The following DIPK1A variants were observed in gnomAD, a reference collection of about 807,000 sequenced individuals.
DIPK1A encodes family with sequence similarity 69 member A.
In DIPK1A, 27 loss-of-function variants were observed where a neutral mutation model predicts 40.8. The ratio of observed to expected loss-of-function variants is 0.66; its 90% CI spans 0.49 to 0.91. The LOEUF is 0.91. Ranked by LOEUF, DIPK1A falls within the 40% of genes least tolerant of loss-of-function variation. The probability of loss-of-function intolerance (pLI) is 0.00; values close to 1 mark genes in which losing one functional copy is unlikely to be tolerated. For synonymous variants in DIPK1A, 166 were observed against 171.3 expected (o/e 0.97, Z 0.24); for missense variants, 412 against 505.7 (o/e 0.81, Z 1.78).
intron 1 of DIPK1A, among the ~76,000 whole-genome samples, chr1:92,886,143 G>T (rs938521826): frequency 3.9e-5 from 6 of 152,030 alleles, no homozygotes; most frequent in Non-Finnish European, 7.4e-5. Flanking sequence ...GACCAGCCTG[G>T]ATAACACAGT....
At chr1:92,849,472 C>T (rs1014543306) in intron 3 of DIPK1A, among the ~76,000 whole-genome samples, 3 of 151,594 alleles carry the variant, frequency 2.0e-5, no homozygotes, top group East Asian at 1.9e-4. Context: ...CTCAGCCTCC[C>T]GAGTAGCTGG....
chr1:92,924,667 T>G (rs1650416702), intron 1 of DIPK1A, among the ~76,000 whole-genome samples: 1 of 152,216 alleles, frequency 6.6e-6, no homozygotes, highest in Admixed American at 6.5e-5. Context: ...CTTTCAAGAC[T>G]GCATTCTTCG....
intron 1 of DIPK1A, among the ~76,000 whole-genome samples, chr1:92,888,958 T>G (rs577381680): frequency 8.5e-5 from 13 of 152,340 alleles, no homozygotes; most frequent in African/African-American, 2.9e-4. Flanking sequence ...TCTCTCATTC[T>G]GCACGTTGTC....
intron 1 of DIPK1A, among the ~76,000 whole-genome samples, chr1:92,959,293 T>C (rs751199904): frequency 6.6e-6 from 1 of 151,612 alleles, no homozygotes; most frequent in Non-Finnish European, 1.5e-5. Context: ...TCTAAATAAA[T>C]AAATAAATGA....
chr1:92,865,743 C>T (rs992021039), intron 2 of DIPK1A, among the ~76,000 whole-genome samples: 1 of 152,158 alleles, frequency 6.6e-6, no homozygotes, highest in African/African-American at 2.4e-5. Context: ...GTTCTGGTTC[C>T]TACCTTATAG....
chr1:92,946,147 T>C (rs1340699385), intron 1 of DIPK1A, among the ~76,000 whole-genome samples: 5 of 152,190 alleles, frequency 3.3e-5, no homozygotes, highest in Non-Finnish European at 7.3e-5. Context: ...TGAGGTCTGT[T>C]AATTCTACGT....
At chr1:92,891,898 C>T (rs1293347715) in intron 1 of DIPK1A, among the ~76,000 whole-genome samples, 2 of 152,180 alleles carry the variant, frequency 1.3e-5, no homozygotes, top group Non-Finnish European at 2.9e-5. Flanking sequence ...GCCCATGGAG[C>T]CTCGCTCATT....
At chr1:92,918,689 G>C (rs747015965) in intron 1 of DIPK1A, among the ~76,000 whole-genome samples, 5 of 152,112 alleles carry the variant, frequency 3.3e-5, no homozygotes, top group African/African-American at 1.2e-4. Flanking sequence ...AGATTGCTTG[G>C]TAAGTGCTGT....
intron 1 of DIPK1A, among the ~76,000 whole-genome samples, chr1:92,922,272 C>A (rs1650298035): frequency 6.6e-6 from 1 of 150,488 alleles, no homozygotes; most frequent in Non-Finnish European, 1.5e-5. Context: ...ACTTAGTAGT[C>A]ATTTAATTTT....
At chr1:92,921,044 G>C (rs1650250091) in intron 1 of DIPK1A, among the ~76,000 whole-genome samples, 1 of 152,300 alleles carries the variant, frequency 6.6e-6, no homozygotes, top group Non-Finnish European at 1.5e-5. Flanking sequence ...GCAAACTTGA[G>C]CTATCCCTGG....
intron 1 of DIPK1A, among the ~76,000 whole-genome samples, chr1:92,908,532 G>A (rs531715776): frequency 6.6e-6 from 1 of 152,288 alleles, no homozygotes; most frequent in South Asian, 2.1e-4. Context: ...CTTGATAAGA[G>A]CAACTTCATG....
At chr1:92,884,241 G>GT (rs1163045638) in intron 1 of DIPK1A, among the ~76,000 whole-genome samples, 5 of 152,220 alleles carry the variant, frequency 3.3e-5, no homozygotes, top group African/African-American at 1.2e-4. Flanking sequence ...GAGCTCAGGA[G>GT]TTTGAGACCA....
At chr1:92,875,420 G>C (rs1031370261) in intron 2 of DIPK1A, among the ~76,000 whole-genome samples, 3 of 151,996 alleles carry the variant, frequency 2.0e-5, no homozygotes, top group African/African-American at 7.3e-5. Flanking sequence ...CTTTATATTA[G>C]AAAGTACTGG....
At chr1:92,929,939 G>A (rs1005874787) in intron 1 of DIPK1A, among the ~76,000 whole-genome samples, 7 of 152,172 alleles carry the variant, frequency 4.6e-5, no homozygotes, top group Non-Finnish European at 8.8e-5. Context: ...GGAAGAAAGA[G>A]TTAAGCCAAC....
At chr1:92,921,219 C>G (rs1650257073) in intron 1 of DIPK1A, among the ~76,000 whole-genome samples, 1 of 152,076 alleles carries the variant, frequency 6.6e-6, no homozygotes, top group South Asian at 2.1e-4. Context: ...AAGCGTGAGA[C>G]ACAATTTCAG....
chr1:92,929,429 G>A (rs893084665), intron 1 of DIPK1A, among the ~76,000 whole-genome samples: 1 of 152,144 alleles, frequency 6.6e-6, no homozygotes, highest in African/African-American at 2.4e-5. Flanking sequence ...GAAGGAATTG[G>A]GTGGATGTTA....
At chr1:92,907,012 T>C (rs964316623) in intron 1 of DIPK1A, among the ~76,000 whole-genome samples, 17 of 152,182 alleles carry the variant, frequency 1.1e-4, no homozygotes, top group Non-Finnish European at 1.6e-4. Flanking sequence ...TGTTTAATAT[T>C]CAAATGAATG....
chr1:92,884,283 CAAAAAAT>C (rs1355274573), intron 1 of DIPK1A, among the ~76,000 whole-genome samples: 4 of 151,820 alleles, frequency 2.6e-5, no homozygotes, highest in South Asian at 2.1e-4. Flanking sequence ...CCCATCTCTA[CAAAAAAT>C]AAAAAATAAA....
At chr1:92,903,268 A>AATCCCACCTGGG (rs1467643713) in intron 1 of DIPK1A, among the ~76,000 whole-genome samples, 1 of 151,540 alleles carries the variant, frequency 6.6e-6, no homozygotes, top group African/African-American at 2.4e-5. Context: ...TGGGTCTTGA[A>AATCCCACCTGGG]CTCCTGGGCT....
Sources: allele counts gnomAD v4.1 joint callset (sites outside exome capture counted in the v4.1 genomes callset), GRCh38; gene constraint gnomAD v4.1.1; transcripts MANE v1.5; gene names NCBI Gene and HGNC (gene_info 2026-07-23, HGNC 2026-07-21).